Variants in PALM2AKAP2 observed in about 807,000 individuals in gnomAD.
PALM2AKAP2 encodes the protein PALM2-AKAP2 fusion protein.
PALM2AKAP2 carries 37 observed loss-of-function variants against 71.5 expected under a neutral mutation model. The observed-to-expected ratio is 0.52, with a 90% CI of 0.40 to 0.68. The LOEUF is 0.68. Ranked by LOEUF, PALM2AKAP2 falls within the 30% of genes least tolerant of loss-of-function variation. The pLI, the probability that PALM2AKAP2 is intolerant of heterozygous loss-of-function variation, is 0.00. For missense variants in PALM2AKAP2, 1,224 were observed against 1,191.8 expected, an observed-to-expected ratio of 1.03 and a Z score of -0.40; for synonymous variants, 468 against 478.8, an observed-to-expected ratio of 0.98 and a Z score of 0.29.
In PALM2AKAP2 at chr9:109,718,705, A is replaced by G. The variant is rs527777744; in HGVS notation, c.6-61783A>G. 7.2e-5 allele frequency among the ~76,000 whole-genome samples: 11 copies of G among 152,170 alleles called. No individual in the cohort carries two copies. In the South Asian group the frequency reaches 2.1e-3, roughly 29 times the overall value. ...AACAATACCAAGTATATTTGTCACA[A>G]CTGAGAAACTGGCTTGTCTAACTTC... On this transcript the variant is annotated intron_variant, in intron 1 of 6. Coordinates refer to the PALM2AKAP2 transcript ENST00000374531.
chr9:109,778,135 G>C (rs1829374476), upstream of PALM2AKAP2, among the ~76,000 whole-genome samples: 1 of 152,180 alleles, frequency 6.6e-6, no homozygotes, highest in Non-Finnish European at 1.5e-5. Flanking sequence ...ACACTGTTGT[G>C]CTCAATCATA....
intron 6 of PALM2AKAP2, among the ~76,000 whole-genome samples, chr9:109,981,650 T>A (rs1832273705): frequency 6.6e-6 from 1 of 152,240 alleles, no homozygotes; most frequent in Admixed American, 6.5e-5. Flanking sequence ...TTGTTGTTGT[T>A]GTTTTGTTTT....
At chr9:109,996,544 C>A (rs1832578920) in intron 6 of PALM2AKAP2, among the ~76,000 whole-genome samples, 1 of 152,206 alleles carries the variant, frequency 6.6e-6, no homozygotes, top group African/African-American at 2.4e-5. Context: ...TACCATGATC[C>A]TTTTTTGCTC....
rs185102499 is a variant in PALM2AKAP2, at chr9:109,840,616, C to T, written c.46-26875C>T. Reference sequence around the variant, plus strand: ...TGGGAGAACATTTTTGCAATCTGCTCATCTGACAAAGGGCTAATATCCAGA... The same window carrying T: ...TGGGAGAACATTTTTGCAATCTGCTTATCTGACAAAGGGCTAATATCCAGA... On this transcript the variant is annotated intron_variant, in intron 1 of 9. Coordinates refer to the PALM2AKAP2 transcript ENST00000302798. Among the ~76,000 whole-genome samples the T allele has an allele frequency of 8.6e-3, 1,305 of 152,266 alleles. 18 individuals are homozygous for T. The highest frequency in any genetic ancestry group is 0.029 in the African/African-American group (1,222 of 41,544).
chr9:109,649,672 C>T (rs957742151), intron 1 of PALM2AKAP2, among the ~76,000 whole-genome samples: 4 of 152,134 alleles, frequency 2.6e-5, no homozygotes, highest in Non-Finnish European at 5.9e-5. Context: ...ATGTTAATGG[C>T]TTTGCATTTA....
intron 3 of PALM2AKAP2, among the ~76,000 whole-genome samples, chr9:110,165,668 A>T (rs943587519): frequency 6.6e-6 from 1 of 152,238 alleles, no homozygotes; most frequent in African/African-American, 2.4e-5. Context: ...CTTGACAAGT[A>T]GATGTCCAAA....
intron 6 of PALM2AKAP2, among the ~76,000 whole-genome samples, chr9:109,952,578 G>A (rs1354366057): frequency 6.6e-6 from 1 of 152,232 alleles, no homozygotes; most frequent in East Asian, 1.9e-4. Flanking sequence ...TGGAGGAAAT[G>A]CAAGAACATC....
chr9:109,986,543 T>G (rs541227978), intron 6 of PALM2AKAP2, among the ~76,000 whole-genome samples: 1 of 152,370 alleles, frequency 6.6e-6, no homozygotes, highest in East Asian at 1.9e-4. Flanking sequence ...AAATAGAATT[T>G]TCAGTGCTAC....
chr9:110,042,204 A>T (rs1329162946), intron 7 of PALM2AKAP2, among the ~76,000 whole-genome samples: 3 of 152,174 alleles, frequency 2.0e-5, no homozygotes, highest in Non-Finnish European at 4.4e-5. Context: ...AAGCTTGCAG[A>T]TCACCTGAGG....
intron 1 of PALM2AKAP2, among the ~76,000 whole-genome samples, chr9:109,794,070 G>C (rs1012096081): frequency 1.3e-5 from 2 of 152,182 alleles, no homozygotes; most frequent in Non-Finnish European, 2.9e-5. Flanking sequence ...TTTATCTAAA[G>C]AAATCACTAT....
At chr9:109,780,440 C>A, upstream of PALM2AKAP2, 2 of 1,612,350 alleles carry the variant, frequency 1.2e-6, no homozygotes, top group East Asian at 2.2e-5. Context: ...GTGACTACAG[C>A]GTGTGTTTTT....
At chr9:110,091,416 G>A (rs1279943554) in intron 1 of PALM2AKAP2, among the ~76,000 whole-genome samples, 1 of 148,476 alleles carries the variant, frequency 6.7e-6, no homozygotes, top group African/African-American at 2.5e-5. Flanking sequence ...GTGTGTGTGT[G>A]TGTGTGTCTG....
intron 7 of PALM2AKAP2, among the ~76,000 whole-genome samples, chr9:110,031,960 A>G (rs1266955016): frequency 6.6e-6 from 1 of 151,816 alleles, no homozygotes; most frequent in Non-Finnish European, 1.5e-5. Flanking sequence ...TCCTGTCAGC[A>G]TTCTGATTAC....
chr9:110,060,181 C>T (rs1298001144), intron 1 of PALM2AKAP2, among the ~76,000 whole-genome samples: 4 of 152,038 alleles, frequency 2.6e-5, no homozygotes, highest in Non-Finnish European at 4.4e-5. Context: ...GGTGCGATTT[C>T]GGCTCACTGC....
At chr9:109,958,608 C>G (rs555357213) in intron 6 of PALM2AKAP2, among the ~76,000 whole-genome samples, 2 of 140,782 alleles carry the variant, frequency 1.4e-5, no homozygotes, top group South Asian at 2.2e-4. Flanking sequence ...GGAAGAGGAG[C>G]GAGAGAAAAG....
intron 1 of PALM2AKAP2, among the ~76,000 whole-genome samples, chr9:109,866,363 C>T (rs982137280): frequency 5.9e-5 from 9 of 152,056 alleles, no homozygotes; most frequent in African/African-American, 1.4e-4. Flanking sequence ...TGTGAGTAAA[C>T]GAAAATGCTC....
At chr9:110,146,823 C>G (rs2119164220) in intron 2 of PALM2AKAP2, among the ~76,000 whole-genome samples, 1 of 152,214 alleles carries the variant, frequency 6.6e-6, no homozygotes, top group South Asian at 2.1e-4. Context: ...AATTAGAGCA[C>G]CAAAGAATAT....
intron 1 of PALM2AKAP2, among the ~76,000 whole-genome samples, chr9:110,108,197 C>T (rs1222232875): frequency 1.3e-5 from 2 of 149,356 alleles, no homozygotes; most frequent in African/African-American, 4.9e-5. Flanking sequence ...CTCACTGCAA[C>T]CTCTGCCTCC....
intron 1 of PALM2AKAP2, among the ~76,000 whole-genome samples, chr9:110,072,162 C>CA (rs1338745914): frequency 6.6e-6 from 1 of 152,044 alleles, no homozygotes; most frequent in Non-Finnish European, 1.5e-5. Context: ...CAATATAAAG[C>CA]AAACTGTTGA....
Sources: gnomAD v4.1 joint callset for allele counts (sites outside exome capture counted in the v4.1 genomes callset) on GRCh38, gnomAD v4.1.1 for gene constraint, MANE v1.5 for transcripts, NCBI Gene and HGNC (gene_info 2026-07-23, HGNC 2026-07-21) for gene names.